SCAND1: variants seen among roughly 807,000 people sequenced by gnomAD.
SCAND1 encodes the protein SCAN domain containing 1.
A neutral mutation model predicts 3.4 loss-of-function variants in SCAND1; 3 were observed. The ratio of observed to expected loss-of-function variants is 0.87; its 90% CI spans 0.40 to 2.25. The LOEUF (loss-of-function observed/expected upper bound fraction) is 2.25, where lower values mean the gene tolerates loss of function less well. SCAND1 is among the 30% of genes most tolerant of loss of function. SCAND1 has a pLI of 0.05. For missense variants in SCAND1, 303 were observed against 258.8 expected, an observed-to-expected ratio of 1.17 and a Z score of -1.17; for synonymous variants, 152 against 120.5, an observed-to-expected ratio of 1.26 and a Z score of -1.72.
upstream of SCAND1, chr20:35,954,619 T>G (rs1428037684): frequency 7.4e-7 from 1 of 1,346,750 alleles, no homozygotes; most frequent in East Asian, 3.8e-5. Context: ...GAGGGCGAGC[T>G]GCGCGTGGCC....
In SCAND1 at chr20:35,953,909, A is replaced by G; in HGVS notation, c.376T>C (p.Phe126Leu). The G allele has an allele frequency of 3.2e-6, 5 of 1,554,968 alleles. No homozygotes were observed. Among genetic ancestry groups the G allele is most frequent in the Non-Finnish European group, 4.3e-6 (5 of 1,152,426 alleles). ...CGGGACAGCTCCCGCAGCTGCCGGA[A>G]AGCCTCCCGGGGACCCGCCGCATCC... ...YQDAAGPREA[F>L]RQLRELSRQW... Residue 126 changes from phenylalanine (F) to leucine (L), a missense_variant, in exon 2 of 2, where the codon TTC becomes CTC. By Grantham distance (22) the Phe-to-Leu change is conservative. Transcript: ENST00000305978.
In SCAND1 at chr20:35,954,229, G is replaced by C; in HGVS notation, c.56C>G (p.Pro19Arg). The part of the protein sequence containing the change: ...AATGSPAAVP[P>R]EKLEGAGSSS... Reference sequence around the variant, plus strand: ...CGAACCGGCTCCTTCCAGTTTCTCCGGTGGCACCGCCGCGGGACTCCCAGT... The same window carrying C: ...CGAACCGGCTCCTTCCAGTTTCTCCCGTGGCACCGCCGCGGGACTCCCAGT... Residue 19 changes from proline (P) to arginine (R), a missense_variant, in exon 2 of 2, where the codon CCG becomes CGG. Coordinates refer to ENST00000305978, the MANE Select transcript of SCAND1 (RefSeq NM_033630.3). 1 of 1,612,880 alleles carries C rather than the reference G, an allele frequency of 6.2e-7. No individual in the cohort carries two copies. The highest frequency in any genetic ancestry group is 8.5e-7 in the Non-Finnish European group (1 of 1,179,952).
At chr20:35,957,961 A>G (rs568294890), upstream of SCAND1, among the ~76,000 whole-genome samples, 28 of 152,348 alleles carry the variant, frequency 1.8e-4, no homozygotes, top group South Asian at 8.3e-4. Context: ...AGGAAAGAGG[A>G]CAAATGTGGA....
chr20:35,953,830 A>G lies in SCAND1; in HGVS notation c.455T>C (p.Val152Ala). Residue 152 changes from valine (V) to alanine (A), a missense_variant, in exon 2 of 2, where the codon GTG becomes GCG. Physicochemically the swap from Val to Ala is moderately conservative, Grantham distance 64. Transcript: ENST00000305978. The part of the protein sequence containing the change: ...RTKEQIVEML[V>A]QEQLLAILPE... ...CAGGATGGCGAGCAGCTGCTCTTGC[A>G]CCAGCATCTCCACGATCTGCTCCTT... 6.4e-7 allele frequency: 1 copy of G among 1,572,648 alleles called. No homozygotes were observed. Among genetic ancestry groups the G allele is most frequent in the Non-Finnish European group, 8.6e-7 (1 of 1,161,352 alleles).
At chr20:35,956,086 C>T (rs1398631634), upstream of SCAND1, among the ~76,000 whole-genome samples, 1 of 152,196 alleles carries the variant, frequency 6.6e-6, no homozygotes, top group South Asian at 2.1e-4. Flanking sequence ...ACAGGGGCCT[C>T]ATATGAAAGG....
chr20:35,958,091 A>C (rs6060719), upstream of SCAND1, among the ~76,000 whole-genome samples: 39,603 of 152,050 alleles, frequency 0.26, 6,187 homozygotes, highest in African/African-American at 0.44. Context: ...TTGGATACTT[A>C]TTTTCTTTTT....
chr20:35,954,176 CCA>C lies in SCAND1; in HGVS notation c.107_108del (p.Val36GlyfsTer13). 6.2e-7 allele frequency: 1 copy of C among 1,609,404 alleles called. No individual in the cohort carries two copies. The highest frequency in any genetic ancestry group is 8.5e-7 in the Non-Finnish European group (1 of 1,178,888). On this transcript the variant is annotated frameshift_variant, in exon 2 of 2. Coordinates refer to ENST00000305978, the MANE Select transcript of SCAND1 (RefSeq NM_033630.3). LOFTEE classifies it low-confidence loss of function (END_TRUNC). ...GGTGAGGCCTCTGGCAGCGAGGAGC[CCA>C]CACAGTTACGCTCAGGGGCTGAGCT... ...GSSSAPERNC[V>X]GSSLPEASPP...
chr20:35,958,229 G>A (rs2056275819), upstream of SCAND1, among the ~76,000 whole-genome samples: 1 of 152,148 alleles, frequency 6.6e-6, no homozygotes, highest in South Asian at 2.1e-4. Context: ...TCAGGAGTTT[G>A]AGACCAGCCT....
chr20:35,958,109 G>C (rs1394971059), upstream of SCAND1, among the ~76,000 whole-genome samples: 1 of 152,140 alleles, frequency 6.6e-6, no homozygotes, highest in African/African-American at 2.4e-5. Context: ...TTTTATCAGA[G>C]CCATCACACT....
chr20:35,954,475 C>A lies in SCAND1; in HGVS notation c.-83G>T. The A allele has an allele frequency of 6.5e-7, 1 of 1,547,072 alleles. No individual in the cohort carries two copies. The highest frequency in any genetic ancestry group is 8.7e-7 in the Non-Finnish European group (1 of 1,145,568). ...GCACCAGCGAAGCGCCTGCGGCAGC[C>A]GGAAGCGAAAGTCTCTGGCTTCTCT... is the stretch of plus-strand genomic sequence containing the variant. On this transcript the variant is annotated 5_prime_UTR_variant, in exon 1 of 2. Transcript: ENST00000305978.
At position 35,954,484 on chromosome 20, in the gene SCAND1, A is replaced by G. The variant is rs1186818172; in HGVS notation, c.-92T>C. 5.2e-6 allele frequency: 8 copies of G among 1,544,700 alleles called. No individual in the cohort carries two copies. The South Asian group carries it at 9.6e-5, about 19-fold the overall frequency. Reference sequence around the variant, plus strand: ...AAGCGCCTGCGGCAGCCGGAAGCGAAAGTCTCTGGCTTCTCTGCGTCCAGG... The same window carrying G: ...AAGCGCCTGCGGCAGCCGGAAGCGAGAGTCTCTGGCTTCTCTGCGTCCAGG... On this transcript the variant is annotated 5_prime_UTR_variant, in exon 1 of 2. Transcript: ENST00000305978.
rs953781551 is a variant in SCAND1 at position 35,954,035 on chromosome 20, C to T, written c.250G>A (p.Ala84Thr). The T allele has an allele frequency of 6.5e-7, 1 of 1,543,392 alleles. No individual in the cohort carries two copies. Among genetic ancestry groups the T allele is most frequent in the African/African-American group, 1.4e-5 (1 of 72,940 alleles). Residue 84 changes from alanine to threonine, a missense_variant, in exon 2 of 2, where the codon GCG becomes ACG. By Grantham distance (58) the Ala-to-Thr change is moderately conservative (BLOSUM62 0). Transcript: ENST00000305978. The part of the protein sequence containing the change: ...LPLGPAPVSV[A>T]PQAEAEARST... ...CGCGCTTCAGCTTCGGCCTGAGGCG[C>T]TACGCTCACGGGTGCGGGCCCGAGA...
At chr20:35,957,099 C>T (rs2056263820), upstream of SCAND1, among the ~76,000 whole-genome samples, 1 of 152,170 alleles carries the variant, frequency 6.6e-6, no homozygotes, top group Non-Finnish European at 1.5e-5. Context: ...CTATTTCTTC[C>T]ATCCCTATTG....
chr20:35,957,363 G>A (rs534892323), upstream of SCAND1, among the ~76,000 whole-genome samples: 3 of 152,294 alleles, frequency 2.0e-5, no homozygotes, highest in Non-Finnish European at 2.9e-5. Context: ...TAGGCAGGCG[G>A]ATCACCTGAG....
upstream of SCAND1, among the ~76,000 whole-genome samples, chr20:35,958,562 C>T (rs1307609810): frequency 3.9e-5 from 6 of 152,168 alleles, no homozygotes; most frequent in Non-Finnish European, 8.8e-5. Flanking sequence ...AACTATAGTA[C>T]AATATCAAAA....
upstream of SCAND1, among the ~76,000 whole-genome samples, chr20:35,956,449 A>G (rs554999586): frequency 2.0e-5 from 3 of 152,322 alleles, no homozygotes; most frequent in Admixed American, 2.0e-4. Context: ...TCCTTTAGAC[A>G]AGATACTCTG....
In SCAND1 at chr20:35,953,865, G is replaced by C; in HGVS notation, c.420C>G (p.Asp140Glu). Residue 140 changes from aspartate (D) to glutamate (E), a missense_variant, in exon 2 of 2, where the codon GAC becomes GAG. Transcript: ENST00000305978. ...CCACGATCTGCTCCTTGGTGCGGAT[G>C]TCAGGCCGCAGCCACTGGCGGGACA... is the stretch of plus-strand genomic sequence containing the variant. ...RELSRQWLRP[D>E]IRTKEQIVEM... 1 of 1,592,046 alleles carries C rather than the reference G, an allele frequency of 6.3e-7. No homozygotes were observed. Among genetic ancestry groups the C allele is most frequent in the Non-Finnish European group, 8.5e-7 (1 of 1,171,438 alleles).
rs775436139 is a variant in SCAND1, at chr20:35,954,040, C to G, written c.245G>C (p.Ser82Thr). 3 of 1,542,042 alleles carry G rather than the reference C, an allele frequency of 1.9e-6. No individual in the cohort carries two copies. The South Asian group carries it at 3.6e-5, about 18-fold the overall frequency. The change falls in exon 2 of 2, where the codon AGC becomes ACC. Residue 82 changes from serine to threonine, a missense_variant. Physicochemically the swap from Ser to Thr is moderately conservative, Grantham distance 58. Transcript: ENST00000305978. ...LELPLGPAPVSVAPQAEAEAR... is the reference protein window; with the variant it reads ...LELPLGPAPVTVAPQAEAEAR... ...TTCAGCTTCGGCCTGAGGCGCTACG[C>G]TCACGGGTGCGGGCCCGAGAGGCAG...
In SCAND1 at chr20:35,954,117, C is replaced by T; in HGVS notation, c.168G>A (p.Ala56=). ...GGGGCGTAGGGATGGCTTCAGGGAC[C>T]GCGGCGTTGGGACTGGAAGGCTCAG... ...PAPEPSSPNA[A]VPEAIPTPRA... Residue 56 remains alanine, a synonymous_variant, in exon 2 of 2, where the codon GCG becomes GCA. Coordinates refer to ENST00000305978, the MANE Select transcript of SCAND1 (RefSeq NM_033630.3). 6.5e-7 allele frequency: 1 copy of T among 1,545,458 alleles called. No homozygotes were observed. The highest frequency in any genetic ancestry group is 8.8e-7 in the Non-Finnish European group (1 of 1,142,576).
Sources: gnomAD v4.1 joint callset for allele counts (sites outside exome capture counted in the v4.1 genomes callset) on GRCh38, gnomAD v4.1.1 for gene constraint, MANE v1.5 for transcripts, NCBI Gene and HGNC (gene_info 2026-07-23, HGNC 2026-07-21) for gene names.